ADCY5: variants seen among roughly 807,000 people sequenced by gnomAD.
ADCY5 encodes the protein adenylate cyclase type 5.
Under a neutral mutation model 119.7 loss-of-function variants are expected in ADCY5, and 30 were observed. The ratio of observed to expected loss-of-function variants is 0.25; its 90% CI spans 0.19 to 0.34. ADCY5 has a LOEUF of 0.34. ADCY5 is among the 10% of genes least tolerant of loss of function. ADCY5 has a pLI of 1.00. For synonymous variants in ADCY5, 753 were observed against 762.2 expected (o/e 0.99, Z 0.20); for missense variants, 1,324 against 1,775.2 (o/e 0.75, Z 4.57).
intron 1 of ADCY5, among the ~76,000 whole-genome samples, chr3:123,378,364 C>T (rs148164373): frequency 3.0e-4 from 45 of 151,896 alleles, no homozygotes; most frequent in Non-Finnish European, 4.0e-4. Context: ...GGTGAGACCA[C>T]GCCACAGGCC....
At chr3:123,384,345 G>A (rs1214788998) in intron 1 of ADCY5, among the ~76,000 whole-genome samples, 2 of 152,216 alleles carry the variant, frequency 1.3e-5, no homozygotes, top group Non-Finnish European at 1.5e-5. Flanking sequence ...CAACCCAGGG[G>A]AACCAAAAAC....
chr3:123,403,380 C>CAAAAAAA (rs35626615), intron 1 of ADCY5, among the ~76,000 whole-genome samples: 1 of 68,506 alleles, frequency 1.5e-5, no homozygotes, highest in African/African-American at 6.3e-5. Context: ...GACCCTGTCT[C>CAAAAAAA]AAAAAAAAAA....
chr3:123,443,279 C>T (rs1945753641), intron 1 of ADCY5, among the ~76,000 whole-genome samples: 1 of 152,016 alleles, frequency 6.6e-6, no homozygotes, highest in Admixed American at 6.6e-5. Flanking sequence ...CCCTGGGGAG[C>T]CAGAGGTCGA....
At chr3:123,333,267 C>T (rs916514801) in intron 3 of ADCY5, among the ~76,000 whole-genome samples, 1 of 152,268 alleles carries the variant, frequency 6.6e-6, no homozygotes, top group Non-Finnish European at 1.5e-5. Flanking sequence ...AGACTCTGAT[C>T]ATGCTGGCAC....
intron 8 of ADCY5, among the ~76,000 whole-genome samples, chr3:123,322,893 C>T (rs190212353): frequency 3.5e-4 from 54 of 152,314 alleles, no homozygotes; most frequent in African/African-American, 5.5e-4. Context: ...CACTACTTCG[C>T]GCTCCCAGCC....
chr3:123,329,455 G>A (rs566149693), intron 5 of ADCY5, among the ~76,000 whole-genome samples: 48 of 152,292 alleles, frequency 3.2e-4, no homozygotes, highest in African/African-American at 1.1e-3. Context: ...CAGGCCCTCC[G>A]TATGCACTTA....
At chr3:123,344,567 G>C (rs1389273258) in intron 3 of ADCY5, among the ~76,000 whole-genome samples, 1 of 152,160 alleles carries the variant, frequency 6.6e-6, no homozygotes, top group Admixed American at 6.5e-5. Flanking sequence ...CTTGTAACTT[G>C]TCCTGGTCAC....
At chr3:123,363,541 T>A (rs1333178649) in intron 1 of ADCY5, among the ~76,000 whole-genome samples, 1 of 152,244 alleles carries the variant, frequency 6.6e-6, no homozygotes. Context: ...CAGGGCTTTA[T>A]GTCCGAGGAT....
intron 1 of ADCY5, among the ~76,000 whole-genome samples, chr3:123,421,275 A>G (rs1056723831): frequency 6.6e-6 from 1 of 152,224 alleles, no homozygotes; most frequent in Admixed American, 6.5e-5. Context: ...CATGTTTACC[A>G]GCACTGAGAA....
chr3:123,415,522 C>T (rs989929490), intron 1 of ADCY5, among the ~76,000 whole-genome samples: 2 of 152,120 alleles, frequency 1.3e-5, no homozygotes, highest in African/African-American at 4.8e-5. Context: ...GGAGAACTAA[C>T]GAGCCTCTCT....
chr3:123,289,651 G>A, intron 19 of ADCY5, 99 bp downstream of exon 19: 1 of 1,424,226 alleles, frequency 7.0e-7, no homozygotes, highest in Middle Eastern at 2.4e-4. Flanking sequence ...TTCTACCTTG[G>A]GACCACAATG....
rs781360607 is a variant in ADCY5, at chr3:123,318,137, G to T, written c.2257-20C>A. 4 of 1,601,360 alleles carry T rather than the reference G, an allele frequency of 2.5e-6. No homozygotes were observed. Among genetic ancestry groups the T allele is most frequent in the Non-Finnish European group, 3.4e-6 (4 of 1,170,116 alleles). On this transcript the variant is annotated intron_variant, in intron 10 of 20. Coordinates refer to ENST00000462833, the MANE Select transcript of ADCY5 (RefSeq NM_183357.3). ...GGAGTACTGAGAGGAGACGGGCAGG[G>T]TGAGAGGGGCCAAGGTACCTGGCCC...
At chr3:123,435,330 TGAGTTTTA>T (rs1214105673) in intron 1 of ADCY5, among the ~76,000 whole-genome samples, 1 of 152,202 alleles carries the variant, frequency 6.6e-6, no homozygotes, top group East Asian at 1.9e-4. Flanking sequence ...TGAACTCAAC[TGAGTTTTA>T]GATGCTTGAG....
chr3:123,290,329 C>T (rs755254574), intron 18 of ADCY5, among the ~76,000 whole-genome samples: 6 of 152,226 alleles, frequency 3.9e-5, no homozygotes, highest in Non-Finnish European at 7.4e-5. Context: ...CCCCTGGCCC[C>T]GGCCCTCCTG....
chr3:123,299,599 G>A (rs1410998378), intron 15 of ADCY5, among the ~76,000 whole-genome samples: 3 of 152,202 alleles, frequency 2.0e-5, no homozygotes, highest in Non-Finnish European at 4.4e-5. Flanking sequence ...CCTCTAGGAC[G>A]TGGGACCTAA....
intron 12 of ADCY5, among the ~76,000 whole-genome samples, chr3:123,312,914 G>A (rs1379643116): frequency 1.4e-5 from 2 of 143,182 alleles, no homozygotes; most frequent in Non-Finnish European, 1.5e-5. Context: ...AGGCTGGGGG[G>A]GGCCTTGACA....
intron 1 of ADCY5, among the ~76,000 whole-genome samples, chr3:123,399,282 G>A (rs1027429390): frequency 7.9e-5 from 12 of 152,234 alleles, no homozygotes; most frequent in African/African-American, 4.8e-5. Context: ...TAAATAAAGT[G>A]TATGCCTAAA....
At position 123,447,710 on chromosome 3, in the gene ADCY5, CCGA is replaced by C; in HGVS notation, c.833_835del (p.Val278del). The stretch of plus-strand genomic sequence containing the variant: ...AAGCACAGCCATGATGAGGATCACG[CCGA>C]CGGCGGCCGCCAGCACGGCCAGGTA... On this transcript the variant is annotated inframe_deletion, in exon 1 of 21. Coordinates refer to ENST00000462833, the MANE Select transcript of ADCY5 (RefSeq NM_183357.3). 1 of 1,598,616 alleles carries C rather than the reference CCGA, an allele frequency of 6.3e-7. No homozygotes were observed.
intron 17 of ADCY5, among the ~76,000 whole-genome samples, chr3:123,293,119 G>A (rs1373646499): frequency 6.6e-6 from 1 of 152,248 alleles, no homozygotes; most frequent in African/African-American, 2.4e-5. Context: ...AAGGTTCGGG[G>A]GGCTACAGCC....
Sources: allele counts gnomAD v4.1 joint callset (sites outside exome capture counted in the v4.1 genomes callset), GRCh38; gene constraint gnomAD v4.1.1; transcripts MANE v1.5; gene names NCBI Gene and HGNC (gene_info 2026-07-23, HGNC 2026-07-21).